Variants in FNIP2 observed in about 807,000 individuals in gnomAD.
FNIP2 encodes folliculin-interacting protein 2.
Under a neutral mutation model 108.7 loss-of-function variants are expected in FNIP2, and 32 were observed. The ratio of observed to expected loss-of-function variants is 0.29; its 90% CI spans 0.22 to 0.40. The LOEUF (loss-of-function observed/expected upper bound fraction) is 0.40. Ranked by LOEUF, FNIP2 falls within the 10% of genes least tolerant of loss-of-function variation. The pLI is 1.00. For missense variants in FNIP2, 1,202 were observed against 1,381.6 expected (o/e 0.87, Z 2.06); for synonymous variants, 480 against 496.7 (o/e 0.97, Z 0.45).
chr4:158,845,143 A>C (rs1473222599), intron 7 of FNIP2, among the ~76,000 whole-genome samples: 1 of 152,258 alleles, frequency 6.6e-6, no homozygotes, highest in Non-Finnish European at 1.5e-5. Context: ...TTATAAAAGT[A>C]TTGTAAAAGA....
At chr4:158,859,499 T>A (rs77363923) in intron 9 of FNIP2, 79 bp from the exon 10 acceptor site, 1 of 1,221,016 alleles carries the variant, frequency 8.2e-7, no homozygotes, top group Non-Finnish European at 1.2e-6. Context: ...GATTACATAA[T>A]TTTTTTTATT....
intron 14 of FNIP2, among the ~76,000 whole-genome samples, chr4:158,882,806 C>G (rs951942040): frequency 3.9e-5 from 6 of 152,226 alleles, no homozygotes; most frequent in Non-Finnish European, 8.8e-5. Flanking sequence ...CAGCATGCTC[C>G]TTAAGAGTCA....
At position 158,906,231 on chromosome 4, in the gene FNIP2, G is replaced by A. The variant is rs1214432472; in HGVS notation, c.*1687G>A. ...TGCTGTTGTGTTACAGAGAGAGAAGGAACCTCACCTGTGGCTCAGCTCACC... is the reference window on the plus strand; with the variant it reads ...TGCTGTTGTGTTACAGAGAGAGAAGAAACCTCACCTGTGGCTCAGCTCACC... On this transcript the variant is annotated 3_prime_UTR_variant, in exon 17 of 17. Transcript: ENST00000264433. 2.6e-5 allele frequency: 4 copies of A among 152,120 alleles called. No homozygotes were observed. The highest frequency in any genetic ancestry group is 9.7e-5 in the African/African-American group (4 of 41,406). 9.4% of individuals were successfully genotyped at this position (152,120 alleles called of 1,614,324 possible). A position where few individuals can be genotyped will look rare whatever the true frequency, so the allele number is the denominator to read the frequency against.
intron 1 of FNIP2, among the ~76,000 whole-genome samples, chr4:158,811,609 G>T (rs1223328548): frequency 6.6e-6 from 1 of 152,098 alleles, no homozygotes; most frequent in African/African-American, 2.4e-5. Context: ...CTCAACTTCA[G>T]ATCCACTGAA....
chr4:158,854,209 T>C (rs1156873368), intron 8 of FNIP2, among the ~76,000 whole-genome samples: 2 of 152,254 alleles, frequency 1.3e-5, no homozygotes, highest in Non-Finnish European at 2.9e-5. Context: ...GATAATTTAC[T>C]GTCCTGGTGC....
In FNIP2 at chr4:158,851,462, G is replaced by C. The variant is rs1361763616; in HGVS notation, c.857+12G>C. On this transcript the variant is annotated intron_variant, in intron 8 of 16. Transcript: ENST00000264433. ...ATCATCCCAAGAAGGTGAGTTGCAA[G>C]TTTCCTCTTGCTGAGAAAAGTAGGA... 6.2e-7 allele frequency: 1 copy of C among 1,613,842 alleles called. No individual in the cohort carries two copies. The highest frequency in any genetic ancestry group is 1.1e-5 in the South Asian group (1 of 91,054).
chr4:158,848,971 G>T (rs1441517392), intron 7 of FNIP2, among the ~76,000 whole-genome samples: 2 of 152,082 alleles, frequency 1.3e-5, no homozygotes, highest in African/African-American at 4.8e-5. Flanking sequence ...ACAAAAGGGG[G>T]TTGATCTTAT....
intron 1 of FNIP2, among the ~76,000 whole-genome samples, chr4:158,769,648 C>A (rs1280901112): frequency 6.6e-6 from 1 of 152,190 alleles, no homozygotes; most frequent in Non-Finnish European, 1.5e-5. Flanking sequence ...CCCTTCCGGG[C>A]AGAGCCGCCT....
At chr4:158,881,596 G>A (rs1405245659) in intron 14 of FNIP2, among the ~76,000 whole-genome samples, 13 of 152,322 alleles carry the variant, frequency 8.5e-5, no homozygotes, top group Admixed American at 2.0e-4. Flanking sequence ...GATTGCAGGC[G>A]CGTGCCGCCA....
chr4:158,822,304 A>G (rs191691440), intron 1 of FNIP2, among the ~76,000 whole-genome samples: 86 of 149,002 alleles, frequency 5.8e-4, no homozygotes, highest in African/African-American at 2.1e-3. Flanking sequence ...CAGCCTCCGC[A>G]CTCCAGTAGC....
intron 14 of FNIP2, among the ~76,000 whole-genome samples, chr4:158,883,357 T>G (rs536076011): frequency 1.3e-5 from 2 of 152,222 alleles, no homozygotes; most frequent in Non-Finnish European, 2.9e-5. Flanking sequence ...TTCTCCTGCC[T>G]CAGCCTCCCG....
intron 1 of FNIP2, among the ~76,000 whole-genome samples, chr4:158,820,898 A>G (rs1777848643): frequency 6.6e-6 from 1 of 152,232 alleles, no homozygotes; most frequent in Non-Finnish European, 1.5e-5. Context: ...GTTTCCAAGC[A>G]AAGTCATATT....
chr4:158,832,039 T>C lies in FNIP2; in HGVS notation c.483-28T>C, dbSNP rs372107142. On this transcript the variant is annotated intron_variant, in intron 4 of 16. Coordinates refer to ENST00000264433, the MANE Select transcript of FNIP2 (RefSeq NM_020840.3). Reference sequence around the variant, plus strand: ...GACTCCTTAACTCATAAATTTATTTTTCCCCTCTCCTTTTTTCCCCTCCAC... The same window carrying C: ...GACTCCTTAACTCATAAATTTATTTCTCCCCTCTCCTTTTTTCCCCTCCAC... 1.3e-3 allele frequency: 2,033 copies of C among 1,609,462 alleles called. 2 individuals carry two copies. Among genetic ancestry groups the C allele is most frequent in the South Asian group, 1.6e-3 (141 of 90,764 alleles).
At chr4:158,853,996 T>C (rs1779844385) in intron 8 of FNIP2, among the ~76,000 whole-genome samples, 1 of 152,232 alleles carries the variant, frequency 6.6e-6, no homozygotes, top group Non-Finnish European at 1.5e-5. Flanking sequence ...TAATAATTTG[T>C]TCATCTGAAG....
rs530748906 is a variant in FNIP2 at position 158,896,513 on chromosome 4, C to T, written c.3266+648C>T. Among the ~76,000 whole-genome samples the T allele has an allele frequency of 3.3e-5, 5 of 152,232 alleles. No individual in the cohort carries two copies. The East Asian group carries it at 5.8e-4, about 18-fold the overall frequency. ...CATTGTACATTTGGGGAACTGCCCC[C>T]GCTTATCCATGATGATGATTCCCCT... On this transcript the variant is annotated intron_variant, in intron 16 of 16. Transcript: ENST00000264433.
intron 14 of FNIP2, among the ~76,000 whole-genome samples, chr4:158,874,491 G>GAAAAAAAAAAAA (rs1434733947): frequency 3.0e-4 from 1 of 3,282 alleles, no homozygotes. Flanking sequence ...CCCATCTCTA[G>GAAAAAAAAAAAA]CAAAAAAAAA....
At chr4:158,900,512 G>A (rs556195120) in intron 16 of FNIP2, among the ~76,000 whole-genome samples, 1 of 152,274 alleles carries the variant, frequency 6.6e-6, no homozygotes, top group South Asian at 2.1e-4. Context: ...TTATGAATCT[G>A]GGTCCTTCTG....
chr4:158,779,663 G>A (rs866191978), intron 1 of FNIP2, among the ~76,000 whole-genome samples: 6 of 150,090 alleles, frequency 4.0e-5, no homozygotes, highest in Non-Finnish European at 8.9e-5. Flanking sequence ...TCAACCTCCC[G>A]GGCTTAAGTG....
chr4:158,892,287 C>T (rs1413413210), intron 15 of FNIP2, among the ~76,000 whole-genome samples: 11 of 151,984 alleles, frequency 7.2e-5, no homozygotes, highest in South Asian at 2.1e-4. Context: ...GAGGCATGTG[C>T]CACCATGCCA....
Sources: gnomAD v4.1 joint callset for allele counts (sites outside exome capture counted in the v4.1 genomes callset) on GRCh38, gnomAD v4.1.1 for gene constraint, MANE v1.5 for transcripts, NCBI Gene and HGNC (gene_info 2026-07-23, HGNC 2026-07-21) for gene names.